The following EYS variants were observed in gnomAD, a reference collection of about 807,000 sequenced individuals.
The protein encoded by EYS is protein eyes shut homolog.
EYS carries 250 observed loss-of-function variants against 282.1 expected under a neutral mutation model. The ratio of observed to expected loss-of-function variants is 0.89; its 90% CI spans 0.80 to 0.98. The LOEUF (loss-of-function observed/expected upper bound fraction) is 0.98. EYS is among the 50% of genes least tolerant of loss of function. The probability of loss-of-function intolerance (pLI) is 0.00; values close to 1 mark genes in which losing one functional copy is unlikely to be tolerated. For synonymous variants in EYS, 1,355 were observed against 1,282.9 expected, an observed-to-expected ratio of 1.06 and a Z score of -1.20; for missense variants, 4,016 against 3,709.0, an observed-to-expected ratio of 1.08 and a Z score of -2.15.
Position 64,622,844 on chromosome 6 carries a change from T to G in EYS, c.3568+3277A>C, listed in dbSNP as rs58400559. 3.8e-3 allele frequency among the ~76,000 whole-genome samples: 585 copies of G among 152,230 alleles called. 4 individuals carry two copies. The highest frequency in any genetic ancestry group is 0.013 in the African/African-American group (539 of 41,552). On this transcript the variant is annotated intron_variant, in intron 23 of 42. Transcript: ENST00000503581. ...AAGCCTAGGAAAAAATTTTCAAAAT[T>G]ATTTGAGGCTTTTTAAAAATCAATG... is the stretch of plus-strand genomic sequence containing the variant.
intron 15 of EYS, among the ~76,000 whole-genome samples, chr6:64,935,206 A>G (rs1412757364): frequency 3.3e-5 from 5 of 151,768 alleles, no homozygotes; most frequent in African/African-American, 1.2e-4. Flanking sequence ...TATTTAACAC[A>G]AAGTAAGGCA....
chr6:63,741,130 G>A (rs974747749), intron 41 of EYS, among the ~76,000 whole-genome samples: 1 of 152,166 alleles, frequency 6.6e-6, no homozygotes, highest in Non-Finnish European at 1.5e-5. Context: ...TGTTTCAGAA[G>A]CGTTAGTGGT....
chr6:63,806,429 T>C (rs1208675861), intron 36 of EYS, 57 bp from the exon 37 acceptor site: 1 of 1,413,632 alleles, frequency 7.1e-7, no homozygotes, highest in Non-Finnish European at 9.4e-7. Context: ...ATTTGTAAAG[T>C]GAGGGTTACG....
rs532965262 is a variant in EYS at position 63,828,765 on chromosome 6, A to C, written c.7229-22393T>G. ...ATCAAAACCACAATGTGATACCACT[A>C]TACTCCTGCAAGAATGGCCATAATA... is the stretch of plus-strand genomic sequence containing the variant. On this transcript the variant is annotated intron_variant, in intron 36 of 42. Transcript: ENST00000503581. 2.0e-5 allele frequency among the ~76,000 whole-genome samples: 3 copies of C among 152,256 alleles called. No individual in the cohort carries two copies. In the East Asian group the frequency reaches 5.8e-4, roughly 29 times the overall value.
intron 1 of EYS, among the ~76,000 whole-genome samples, chr6:65,662,851 T>G (rs958167676): frequency 6.6e-6 from 1 of 152,150 alleles, no homozygotes; most frequent in Non-Finnish European, 1.5e-5. Flanking sequence ...TGTTATAAAA[T>G]GTGACGATTT....
chr6:64,467,470 T>G (rs1393165064), intron 26 of EYS, among the ~76,000 whole-genome samples: 1 of 152,174 alleles, frequency 6.6e-6, no homozygotes, highest in Non-Finnish European at 1.5e-5. Context: ...CTAGGAAGTA[T>G]GCAATATTCA....
At chr6:64,849,628 C>T (rs1196995249) in intron 19 of EYS, among the ~76,000 whole-genome samples, 1 of 152,020 alleles carries the variant, frequency 6.6e-6, no homozygotes, top group Non-Finnish European at 1.5e-5. Context: ...GTTGGCCAGA[C>T]AGATCTTTTC....
At position 65,114,199 on chromosome 6, in the gene EYS, TA is replaced by T. The variant is rs1775299728; in HGVS notation, c.2024-56473del. ...CACTGTATTTATTCTCTCCATTACA[TA>T]AAAAATGTTAAAGTATTCTAAATAC... On this transcript the variant is annotated intron_variant, in intron 12 of 42. Transcript: ENST00000503581. 2.0e-5 allele frequency among the ~76,000 whole-genome samples: 3 copies of T among 151,912 alleles called. No homozygotes were observed. In the South Asian group the frequency reaches 6.2e-4, roughly 31 times the overall value.
At chr6:65,205,653 C>G (rs1382631493) in intron 12 of EYS, among the ~76,000 whole-genome samples, 7 of 151,904 alleles carry the variant, frequency 4.6e-5, no homozygotes, top group African/African-American at 1.7e-4. Flanking sequence ...CATAAAGCAT[C>G]TCTATAAATT....
At chr6:64,247,113 T>G (rs918274560) in intron 30 of EYS, among the ~76,000 whole-genome samples, 1 of 152,094 alleles carries the variant, frequency 6.6e-6, no homozygotes, top group Non-Finnish European at 1.5e-5. Flanking sequence ...TATGGAGAGA[T>G]AATACTCTGG....
chr6:64,265,121 T>C (rs1383430631), intron 30 of EYS, among the ~76,000 whole-genome samples: 2 of 151,298 alleles, frequency 1.3e-5, no homozygotes, highest in Non-Finnish European at 3.0e-5. Context: ...GCACAGATTA[T>C]TGATGTTACT....
chr6:65,462,090 T>A (rs1202283997), intron 5 of EYS, among the ~76,000 whole-genome samples: 1 of 152,140 alleles, frequency 6.6e-6, no homozygotes. Flanking sequence ...GGCCACTGCA[T>A]AACAAATTTT....
chr6:64,907,895 C>T (rs1193962111), intron 16 of EYS, among the ~76,000 whole-genome samples: 1 of 151,996 alleles, frequency 6.6e-6, no homozygotes, highest in Non-Finnish European at 1.5e-5. Context: ...GAGAGGTGAT[C>T]CCAGATCCCA....
At chr6:64,718,510 A>AAAAT in intron 22 of EYS, among the ~76,000 whole-genome samples, 1 of 152,070 alleles carries the variant, frequency 6.6e-6, no homozygotes, top group Admixed American at 6.6e-5. Flanking sequence ...TGACCTTATC[A>AAAAT]GTTTATCATT....
At chr6:64,624,808 C>T (rs551635242) in intron 23 of EYS, among the ~76,000 whole-genome samples, 520 of 152,160 alleles carry the variant, frequency 3.4e-3, no homozygotes, top group Non-Finnish European at 5.0e-3. Context: ...AACCAGAAGC[C>T]CAGAACCCTA....
intron 33 of EYS, among the ~76,000 whole-genome samples, chr6:64,040,220 T>C (rs2149836621): frequency 6.6e-6 from 1 of 152,342 alleles, no homozygotes; most frequent in East Asian, 1.9e-4. Flanking sequence ...GCAAACATTT[T>C]GGCACTAAAC....
At chr6:64,763,952 A>G (rs1773242554) in intron 22 of EYS, among the ~76,000 whole-genome samples, 1 of 152,130 alleles carries the variant, frequency 6.6e-6, no homozygotes, top group Admixed American at 6.5e-5. Context: ...TCGATGCAAG[A>G]GGTAGTCTGC....
intron 31 of EYS, among the ~76,000 whole-genome samples, chr6:64,220,042 G>A (rs1445538208): frequency 6.6e-6 from 1 of 152,044 alleles, no homozygotes; most frequent in East Asian, 1.9e-4. Context: ...GGGGTGAGGG[G>A]GAGGGAGAGG....
intron 35 of EYS, among the ~76,000 whole-genome samples, chr6:63,976,117 C>A (rs897976170): frequency 6.6e-6 from 1 of 151,992 alleles, no homozygotes; most frequent in South Asian, 2.1e-4. Flanking sequence ...AAAAATGGTA[C>A]ACCTATATAG....
Sources: allele counts gnomAD v4.1 joint callset (sites outside exome capture counted in the v4.1 genomes callset), GRCh38; gene constraint gnomAD v4.1.1; transcripts MANE v1.5; gene names NCBI Gene and HGNC (gene_info 2026-07-23, HGNC 2026-07-21).